SLFN12: variants seen among roughly 807,000 people sequenced by gnomAD.
SLFN12 encodes the protein schlafen family member 12.
SLFN12 carries 25 observed loss-of-function variants against 29.1 expected under a neutral mutation model. That is an observed-to-expected ratio of 0.86 (90% CI 0.63 to 1.20). SLFN12 has a LOEUF of 1.20. Among genes scored for constraint, SLFN12 ranks in the 50% most tolerant of loss-of-function variants. The probability of loss-of-function intolerance (pLI) is 0.00; values close to 1 mark genes in which losing one functional copy is unlikely to be tolerated. For synonymous variants in SLFN12, 257 were observed against 238.7 expected (o/e 1.08, Z -0.71); for missense variants, 660 against 666.2 (o/e 0.99, Z 0.10).
chr17:35,417,253 A>G (rs1252339713), intron 3 of SLFN12, among the ~76,000 whole-genome samples: 1 of 152,116 alleles, frequency 6.6e-6, no homozygotes, highest in Admixed American at 6.5e-5. Flanking sequence ...GCTTAATAGA[A>G]AATATTAAAC....
At position 35,423,204 on chromosome 17, in the gene SLFN12, T is replaced by C. The variant is rs978297860; in HGVS notation, c.-40-136A>G. On this transcript the variant is annotated intron_variant, in intron 1 of 3. Transcript: ENST00000304905. ...GGTAAGTATATGGATATGAAGAGAC[T>C]GGCAAATTTTGAGCTAAGACCGCAA... is the stretch of plus-strand genomic sequence containing the variant. 9.6e-6 allele frequency: 9 copies of C among 940,618 alleles called. No individual in the cohort carries two copies. The African/African-American group carries it at 1.3e-4, about 14-fold the overall frequency. The allele number at this position is 940,618 out of a possible 1,614,324, so 58.3% of individuals were successfully genotyped here.
chr17:35,422,211 A>G lies in SLFN12; in HGVS notation c.818T>C (p.Val273Ala). Reference protein sequence around the residue: ...EIEKSIRKMPVHHFCMEKKKI... With the variant: ...EIEKSIRKMPAHHFCMEKKKI... ...CTTCTTCTCCATACAGAAGTGATGC[A>G]CAGGCATCTTCCTAATGGACTTTTC... is the stretch of plus-strand genomic sequence containing the variant. The change falls in exon 2 of 4, where the codon GTG becomes GCG. Residue 273 changes from valine to alanine, a missense_variant. Coordinates refer to ENST00000304905, the MANE Select transcript of SLFN12 (RefSeq NM_018042.5). 6.2e-7 allele frequency: 1 copy of G among 1,614,160 alleles called. No homozygotes were observed. The highest frequency in any genetic ancestry group is 1.1e-5 in the South Asian group (1 of 91,084).
intron 1 of SLFN12, among the ~76,000 whole-genome samples, chr17:35,428,944 C>CAAAG (rs1912158513): frequency 6.6e-6 from 1 of 152,036 alleles, no homozygotes; most frequent in Non-Finnish European, 1.5e-5. Flanking sequence ...AGAAGAGATT[C>CAAAG]TCCATCTCTA....
intron 3 of SLFN12, among the ~76,000 whole-genome samples, chr17:35,415,026 A>G (rs1837520138): frequency 6.6e-6 from 1 of 152,134 alleles, no homozygotes; most frequent in Non-Finnish European, 1.5e-5. Context: ...TAAAATTTAT[A>G]TGGCACCAAA....
intron 1 of SLFN12, among the ~76,000 whole-genome samples, chr17:35,423,882 A>C (rs566901271): frequency 6.6e-6 from 1 of 152,326 alleles, no homozygotes; most frequent in African/African-American, 2.4e-5. Context: ...GTGAGAACAC[A>C]GCAATAAGTA....
intron 2 of SLFN12, 176 bp from the exon 3 acceptor site, chr17:35,420,557 T>C: frequency 4.2e-6 from 2 of 478,518 alleles, no homozygotes; most frequent in Non-Finnish European, 7.4e-6. Flanking sequence ...AATTAACTTT[T>C]GATGCCACTG....
intron 1 of SLFN12, among the ~76,000 whole-genome samples, chr17:35,425,469 C>CTATGAG (rs1911952916): frequency 6.6e-6 from 1 of 152,026 alleles, no homozygotes; most frequent in South Asian, 2.1e-4. Flanking sequence ...CTCTATACTT[C>CTATGAG]TATGAGTTTA....
In SLFN12 at chr17:35,413,749, C is replaced by CA. The variant is rs11362952; in HGVS notation, c.1148-1823dup. On this transcript the variant is annotated intron_variant, in intron 3 of 3. Transcript: ENST00000304905. ...GGGTAACAAGAGTGAAACCATGTCT[C>CA]AAAAAAAAAAAAAAAGAAAAAAAAA... Among the ~76,000 whole-genome samples, 562 of 78,058 alleles carry CA rather than the reference C, an allele frequency of 7.2e-3. 2 individuals are homozygous for CA. The highest frequency in any genetic ancestry group is 0.025 in the South Asian group (59 of 2,354). The allele number at this position is 78,058 out of a possible 152,430, so 51.2% of individuals were successfully genotyped here. A position where few individuals can be genotyped will look rare whatever the true frequency, so the allele number is the denominator to read the frequency against.
intron 1 of SLFN12, among the ~76,000 whole-genome samples, chr17:35,431,123 C>T (rs1359486627): frequency 2.6e-5 from 4 of 152,038 alleles, no homozygotes; most frequent in African/African-American, 7.2e-5. Context: ...GAATAAAATC[C>T]CTTTGTAAAT....
chr17:35,413,104 A>C (rs1229097317), intron 3 of SLFN12, among the ~76,000 whole-genome samples: 1 of 151,948 alleles, frequency 6.6e-6, no homozygotes, highest in Non-Finnish European at 1.5e-5. Flanking sequence ...GATAAGAGAT[A>C]TATCCGAAAC....
intron 2 of SLFN12, 25 bp from the exon 3 acceptor site, chr17:35,420,406 T>C: frequency 6.6e-7 from 1 of 1,517,068 alleles, no homozygotes; most frequent in South Asian, 1.1e-5. Flanking sequence ...TATCACATTC[T>C]TAATTTCGCA....
chr17:35,427,112 A>C (rs962539916), intron 1 of SLFN12, among the ~76,000 whole-genome samples: 1 of 152,150 alleles, frequency 6.6e-6, no homozygotes, highest in Non-Finnish European at 1.5e-5. Flanking sequence ...ACTATGCCCC[A>C]CCAATTCCAG....
intron 1 of SLFN12, among the ~76,000 whole-genome samples, chr17:35,424,974 T>A (rs1466368289): frequency 1.3e-5 from 2 of 152,074 alleles, no homozygotes; most frequent in African/African-American, 4.8e-5. Context: ...GTGGTGAACA[T>A]TGCTACTATT....
In SLFN12 at chr17:35,411,155, AT is replaced by A. The variant is rs1910975306; in HGVS notation, c.*182del. ...ACGAGTTAACAAATTAATTTTCCTA[AT>A]ATCCCTCAAACAATATCTGTGAAGA... On this transcript the variant is annotated 3_prime_UTR_variant, in exon 4 of 4. Transcript: ENST00000304905. 6.0e-6 allele frequency: 3 copies of A among 502,886 alleles called. No homozygotes were observed. The East Asian group carries it at 9.9e-5, about 17-fold the overall frequency. The allele number at this position is 502,886 out of a possible 1,614,324, so 31.2% of individuals were successfully genotyped here. A position where few individuals can be genotyped will look rare whatever the true frequency, so the allele number is the denominator to read the frequency against.
chr17:35,413,853 T>C (rs1162320600), intron 3 of SLFN12, among the ~76,000 whole-genome samples: 3 of 151,900 alleles, frequency 2.0e-5, no homozygotes, highest in Non-Finnish European at 4.4e-5. Flanking sequence ...AATTGTGATA[T>C]ACCACATTAA....
intron 1 of SLFN12, among the ~76,000 whole-genome samples, chr17:35,425,829 T>C (rs1427911966): frequency 7.4e-6 from 1 of 134,812 alleles, no homozygotes; most frequent in African/African-American, 2.8e-5. Context: ...TTTTCTTTTC[T>C]TTTCTTTTCT....
At chr17:35,431,464 T>G (rs1912312312) in intron 1 of SLFN12, among the ~76,000 whole-genome samples, 1 of 152,120 alleles carries the variant, frequency 6.6e-6, no homozygotes. Context: ...CAAACACTAC[T>G]GCAACCGGAA....
At chr17:35,424,170 CT>C (rs975456788) in intron 1 of SLFN12, among the ~76,000 whole-genome samples, 7 of 151,868 alleles carry the variant, frequency 4.6e-5, no homozygotes, top group African/African-American at 9.7e-5. Flanking sequence ...TTAAGTTTAA[CT>C]TTTTTTTAAG....
rs1438010046 is a variant in SLFN12, at chr17:35,411,011, A to G, written c.*327T>C. 5.9e-6 allele frequency: 1 copy of G among 168,110 alleles called. No homozygotes were observed. Among genetic ancestry groups the G allele is most frequent in the African/African-American group, 2.4e-5 (1 of 42,014 alleles). The allele number at this position is 168,110 out of a possible 1,614,324, so 10.4% of individuals were successfully genotyped here. A position where few individuals can be genotyped will look rare whatever the true frequency, so the allele number is the denominator to read the frequency against. The stretch of plus-strand genomic sequence containing the variant: ...TGTAAGTTATAATTGTTTTCTAGGT[A>G]TATGCTGGGAGATTTTCACTGTTGT... On this transcript the variant is annotated 3_prime_UTR_variant, in exon 4 of 4. Transcript: ENST00000304905.
Sources: allele counts gnomAD v4.1 joint callset (sites outside exome capture counted in the v4.1 genomes callset), GRCh38; gene constraint gnomAD v4.1.1; transcripts MANE v1.5; gene names NCBI Gene and HGNC (gene_info 2026-07-23, HGNC 2026-07-21).